The following ARHGAP23 variants were observed in gnomAD, a reference collection of about 807,000 sequenced individuals.
ARHGAP23 encodes the protein Rho GTPase activating protein 23.
A neutral mutation model predicts 136.3 loss-of-function variants in ARHGAP23; 34 were observed. That is an observed-to-expected ratio of 0.25 (90% confidence interval 0.19 to 0.33). The LOEUF is 0.33. Ranked by LOEUF, ARHGAP23 falls within the 10% of genes least tolerant of loss-of-function variation. The pLI, the probability that ARHGAP23 is intolerant of heterozygous loss-of-function variation, is 1.00. For missense variants in ARHGAP23, 1,808 were observed against 2,139.0 expected (o/e 0.85, Z 3.05); for synonymous variants, 832 against 920.5 (o/e 0.90, Z 1.74).
chr17:38,467,366 T>G, intron 7 of ARHGAP23, 35 bp downstream of exon 7: 1 of 1,449,336 alleles, frequency 6.9e-7, no homozygotes, highest in East Asian at 2.5e-5. Context: ...CCTGGGGGAC[T>G]TAGCTGTCGG....
intron 3 of ARHGAP23, among the ~76,000 whole-genome samples, chr17:38,461,271 G>A (rs1001018716): frequency 6.6e-6 from 1 of 152,238 alleles, no homozygotes; most frequent in African/African-American, 2.4e-5. Context: ...CTAGAACAAG[G>A]CAGGGCAGGG....
intron 1 of ARHGAP23, among the ~76,000 whole-genome samples, chr17:38,420,374 G>A (rs1214583443): frequency 1.3e-5 from 2 of 152,198 alleles, no homozygotes; most frequent in African/African-American, 2.4e-5. Flanking sequence ...TTCTATTTGG[G>A]ACACACCTTT....
intron 1 of ARHGAP23, among the ~76,000 whole-genome samples, chr17:38,452,979 A>G (rs2039213345): frequency 6.6e-6 from 1 of 152,056 alleles, no homozygotes; most frequent in Admixed American, 6.5e-5. Context: ...TGCGCTTAAG[A>G]GTGTGTGGCT....
chr17:38,491,971 CA>C (rs1177032751), intron 20 of ARHGAP23, among the ~76,000 whole-genome samples: 1 of 152,186 alleles, frequency 6.6e-6, no homozygotes, highest in Non-Finnish European at 1.5e-5. Context: ...CTGCTGGCCC[CA>C]CTGAGGTTTT....
upstream of ARHGAP23, among the ~76,000 whole-genome samples, chr17:38,424,409 C>T (rs2038550094): frequency 6.6e-6 from 1 of 152,110 alleles, no homozygotes; most frequent in Admixed American, 6.5e-5. Flanking sequence ...TCCCTCCTCC[C>T]TGGGGCCCCT....
At chr17:38,483,133 C>T (rs987528295) in intron 16 of ARHGAP23, among the ~76,000 whole-genome samples, 3 of 152,218 alleles carry the variant, frequency 2.0e-5, no homozygotes, top group Non-Finnish European at 2.9e-5. Flanking sequence ...TTCCCCCCTT[C>T]TCTTCCTCCT....
intron 1 of ARHGAP23, among the ~76,000 whole-genome samples, chr17:38,431,271 C>G (rs1451898059): frequency 1.3e-5 from 2 of 152,202 alleles, no homozygotes; most frequent in African/African-American, 2.4e-5. Flanking sequence ...TCTTTCCCAC[C>G]CTGCCCCATG....
At chr17:38,460,737 C>T (rs1172837910) in intron 2 of ARHGAP23, among the ~76,000 whole-genome samples, 168 bp from the exon 3 acceptor site, 5 of 152,108 alleles carry the variant, frequency 3.3e-5, no homozygotes, top group African/African-American at 1.2e-4. Context: ...AACTTGGCCT[C>T]GGACTTGGTG....
chr17:38,463,098 C>G lies in ARHGAP23; in HGVS notation c.350-20C>G, dbSNP rs1164931344. The G allele has an allele frequency of 6.4e-7, 1 of 1,550,544 alleles. No homozygotes were observed. Among genetic ancestry groups the G allele is most frequent in the Non-Finnish European group, 8.7e-7 (1 of 1,146,462 alleles). Reference sequence around the variant, plus strand: ...CCTTTGATGCCCTTTGGTCACCACTCATGCGCTCCTTGTCCCCAGGAGACC... The same window carrying G: ...CCTTTGATGCCCTTTGGTCACCACTGATGCGCTCCTTGTCCCCAGGAGACC... On this transcript the variant is annotated intron_variant, in intron 4 of 23. Transcript: ENST00000622683.
At chr17:38,431,319 T>C (rs908740333) in intron 1 of ARHGAP23, among the ~76,000 whole-genome samples, 2 of 152,174 alleles carry the variant, frequency 1.3e-5, no homozygotes, top group African/African-American at 4.8e-5. Context: ...GGTTCACTGG[T>C]GTTTTCCTTC....
chr17:38,485,421 C>T (rs552585682), intron 16 of ARHGAP23, among the ~76,000 whole-genome samples: 34 of 152,144 alleles, frequency 2.2e-4, no homozygotes, highest in Non-Finnish European at 3.5e-4. Flanking sequence ...ATGAGACAGA[C>T]GGGATCCTGT....
At chr17:38,465,422 G>A (rs2039566080) in intron 6 of ARHGAP23, among the ~76,000 whole-genome samples, 1 of 152,196 alleles carries the variant, frequency 6.6e-6, no homozygotes, top group Non-Finnish European at 1.5e-5. Flanking sequence ...TCTTTGCCTT[G>A]AGTTAGGCTC....
At chr17:38,505,582 T>C (rs1196939665) in intron 23 of ARHGAP23, among the ~76,000 whole-genome samples, 2 of 152,146 alleles carry the variant, frequency 1.3e-5, no homozygotes, top group African/African-American at 4.8e-5. Flanking sequence ...AATTTTTGCA[T>C]TGACAACAGA....
intron 1 of ARHGAP23, chr17:38,450,330 GAT>G (rs1374719059): frequency 6.6e-6 from 1 of 152,230 alleles, no homozygotes; most frequent in East Asian, 1.9e-4. Flanking sequence ...AGAACCCTGG[GAT>G]CTGGTCCCAG....
At chr17:38,452,356 G>C (rs1032118670) in intron 1 of ARHGAP23, 1 of 152,118 alleles carries the variant, frequency 6.6e-6, no homozygotes, top group Non-Finnish European at 1.5e-5. Flanking sequence ...TCTTGCTGGG[G>C]ACAGTGGATG....
intron 23 of ARHGAP23, among the ~76,000 whole-genome samples, chr17:38,507,687 A>G (rs1345598941): frequency 1.3e-5 from 2 of 152,130 alleles, no homozygotes; most frequent in African/African-American, 4.8e-5. Flanking sequence ...TGGCCACCAT[A>G]TGCTCCAGGC....
intron 1 of ARHGAP23, chr17:38,453,729 AGCCGTCCTGCCGCCGTCCGCGCGG>A (rs993323604): frequency 2.0e-5 from 3 of 148,396 alleles, no homozygotes; most frequent in Non-Finnish European, 4.5e-5. Flanking sequence ...GAGCCAATCC[AGCCGTCCTGCCGCCGTCCGCGCGG>A]GCCGTCCGTC....
At chr17:38,432,616 T>C (rs1022503365) in intron 1 of ARHGAP23, among the ~76,000 whole-genome samples, 3 of 151,686 alleles carry the variant, frequency 2.0e-5, no homozygotes, top group East Asian at 1.9e-4. Flanking sequence ...GAGAGGGAGA[T>C]TGCAATGAGC....
At chr17:38,468,031 G>C (rs1424360098) in intron 7 of ARHGAP23, among the ~76,000 whole-genome samples, 1 of 152,230 alleles carries the variant, frequency 6.6e-6, no homozygotes, top group Non-Finnish European at 1.5e-5. Flanking sequence ...AGCTTGAGGA[G>C]ACGGGCTCAG....
Sources: gnomAD v4.1 joint callset for allele counts (sites outside exome capture counted in the v4.1 genomes callset) on GRCh38, gnomAD v4.1.1 for gene constraint, MANE v1.5 for transcripts, NCBI Gene and HGNC (gene_info 2026-07-23, HGNC 2026-07-21) for gene names.